TMEM45A: variants seen among roughly 807,000 people sequenced by gnomAD.
TMEM45A encodes DNA polymerase-transactivated protein 4.
Under a neutral mutation model 32.0 loss-of-function variants are expected in TMEM45A, and 25 were observed. That is an observed-to-expected ratio of 0.78 (90% CI 0.57 to 1.09). The LOEUF is 1.09. Among genes scored for constraint, TMEM45A ranks in the 50% least tolerant of loss-of-function variants. The pLI, the probability that TMEM45A is intolerant of heterozygous loss-of-function variation, is 0.00. For missense variants in TMEM45A, 302 were observed against 325.0 expected (o/e 0.93, Z 0.54); for synonymous variants, 122 against 114.8 (o/e 1.06, Z -0.40).
intron 1 of TMEM45A, among the ~76,000 whole-genome samples, chr3:100,545,067 A>G (rs1389900574): frequency 6.6e-6 from 1 of 152,212 alleles, no homozygotes; most frequent in Admixed American, 6.5e-5. Flanking sequence ...TAATTAGCAT[A>G]TCCCAAATGA....
intron 4 of TMEM45A, 133 bp from the exon 5 acceptor site, chr3:100,568,686 CTGA>C (rs1706493482): frequency 4.1e-6 from 3 of 729,776 alleles, no homozygotes; most frequent in Non-Finnish European, 4.3e-6. Context: ...GCAGCAAAAC[CTGA>C]TGTTTTATCT....
At chr3:100,512,231 A>T (rs1296060436) in intron 1 of TMEM45A, among the ~76,000 whole-genome samples, 1 of 152,134 alleles carries the variant, frequency 6.6e-6, no homozygotes, top group Non-Finnish European at 1.5e-5. Flanking sequence ...GAAGTAAAGC[A>T]CTCCTCAGCA....
At chr3:100,508,263 C>T (rs1308367015) in intron 1 of TMEM45A, among the ~76,000 whole-genome samples, 2 of 152,098 alleles carry the variant, frequency 1.3e-5, no homozygotes, top group African/African-American at 4.8e-5. Context: ...CACCATGGGT[C>T]ACACACATAG....
At chr3:100,575,361 C>CTTT in intron 5 of TMEM45A, among the ~76,000 whole-genome samples, 1 of 118,142 alleles carries the variant, frequency 8.5e-6, no homozygotes, top group Non-Finnish European at 1.7e-5. Flanking sequence ...CCTATGGATT[C>CTTT]TCTTTTTTTT....
intron 1 of TMEM45A, among the ~76,000 whole-genome samples, chr3:100,503,010 C>T (rs1315389636): frequency 6.6e-6 from 1 of 151,172 alleles, no homozygotes; most frequent in Non-Finnish European, 1.5e-5. Context: ...TCCTCCTTCT[C>T]CTCCTTCTCC....
intron 1 of TMEM45A, among the ~76,000 whole-genome samples, chr3:100,512,506 C>T (rs1004185720): frequency 5.6e-4 from 85 of 152,218 alleles, no homozygotes; most frequent in Middle Eastern, 6.8e-3. Context: ...GCACTAAATG[C>T]CCACAAGAGA....
rs1423860120 is a variant in TMEM45A, at chr3:100,510,843, T to C, written c.-4+17915T>C. On this transcript the variant is annotated intron_variant, in intron 1 of 5. Transcript: ENST00000323523. ...TGAAGAATGCAGAAGCCTCAGGAGC[T>C]GATGCGATCAACTGGAAGAAAGGTT... Among the ~76,000 whole-genome samples, 7 of 152,266 alleles carry C rather than the reference T, an allele frequency of 4.6e-5. No homozygotes were observed. In the East Asian group the frequency reaches 9.6e-4, roughly 21 times the overall value.
chr3:100,496,120 G>C (rs1559631187), intron 1 of TMEM45A, among the ~76,000 whole-genome samples: 1 of 152,146 alleles, frequency 6.6e-6, no homozygotes, highest in African/African-American at 2.4e-5. Flanking sequence ...TGTGACTTCA[G>C]GCAAGACATT....
intron 5 of TMEM45A, among the ~76,000 whole-genome samples, chr3:100,575,099 G>T (rs1706654500): frequency 2.0e-5 from 3 of 152,120 alleles, no homozygotes; most frequent in African/African-American, 7.2e-5. Flanking sequence ...TTTTTCATTT[G>T]TGAAGAGTGA....
At chr3:100,571,937 T>C (rs921260438) in intron 5 of TMEM45A, 2 of 152,342 alleles carry the variant, frequency 1.3e-5, no homozygotes, top group African/African-American at 2.4e-5. Flanking sequence ...ACTCATCATT[T>C]TTTATGGCTG....
At chr3:100,518,883 C>T (rs955788588) in intron 1 of TMEM45A, among the ~76,000 whole-genome samples, 2 of 152,010 alleles carry the variant, frequency 1.3e-5, no homozygotes, top group Non-Finnish European at 2.9e-5. Flanking sequence ...GCTGGCTGGT[C>T]AAATAATCAA....
At chr3:100,543,558 A>G (rs1705928039) in intron 1 of TMEM45A, among the ~76,000 whole-genome samples, 1 of 152,174 alleles carries the variant, frequency 6.6e-6, no homozygotes, top group Non-Finnish European at 1.5e-5. Flanking sequence ...GATGAAAAAT[A>G]CCTGTTTTTA....
At chr3:100,548,050 G>T (rs1706015439) in intron 1 of TMEM45A, among the ~76,000 whole-genome samples, 1 of 152,206 alleles carries the variant, frequency 6.6e-6, no homozygotes, top group Admixed American at 6.5e-5. Flanking sequence ...GGGGTTGGTA[G>T]TGGGAACAAT....
chr3:100,553,492 C>G (rs955131918), intron 1 of TMEM45A, among the ~76,000 whole-genome samples: 1 of 152,124 alleles, frequency 6.6e-6, no homozygotes, highest in African/African-American at 2.4e-5. Context: ...CCAAATACAA[C>G]CCATTTTCAG....
chr3:100,550,365 A>G (rs1706070952), intron 1 of TMEM45A, among the ~76,000 whole-genome samples: 2 of 152,134 alleles, frequency 1.3e-5, no homozygotes, highest in Non-Finnish European at 2.9e-5. Flanking sequence ...TTTTAAAGCT[A>G]CATATTTTTG....
intron 1 of TMEM45A, among the ~76,000 whole-genome samples, chr3:100,497,935 T>C (rs1707953812): frequency 6.6e-6 from 1 of 152,226 alleles, no homozygotes; most frequent in Non-Finnish European, 1.5e-5. Flanking sequence ...TTTTAGTTGA[T>C]GATATGGTTT....
intron 5 of TMEM45A, among the ~76,000 whole-genome samples, chr3:100,575,363 C>CTTTTTTTT (rs59739893): frequency 1.8e-4 from 11 of 62,706 alleles, no homozygotes; most frequent in Admixed American, 2.2e-4. Context: ...TATGGATTCT[C>CTTTTTTTT]TTTTTTTTTT....
At chr3:100,497,616 T>C (rs929889339) in intron 1 of TMEM45A, among the ~76,000 whole-genome samples, 1 of 152,200 alleles carries the variant, frequency 6.6e-6, no homozygotes, top group African/African-American at 2.4e-5. Context: ...TTTTATGAAT[T>C]TGACTATTCT....
In TMEM45A at chr3:100,530,034, A is replaced by G. The variant is rs368655456; in HGVS notation, c.-3-25175A>G. On this transcript the variant is annotated intron_variant, in intron 1 of 5. Coordinates refer to ENST00000323523, the MANE Select transcript of TMEM45A (RefSeq NM_018004.3). ...CTTCCATCTCTTTTTATCCTTCCCA[A>G]CTTTTTAAATGGAAAATTTCAAGTA... Among the ~76,000 whole-genome samples, 6 of 152,090 alleles carry G rather than the reference A, an allele frequency of 3.9e-5. No individual in the cohort carries two copies. In the East Asian group the frequency reaches 9.6e-4, roughly 24 times the overall value.
Sources: allele counts gnomAD v4.1 joint callset (sites outside exome capture counted in the v4.1 genomes callset), GRCh38; gene constraint gnomAD v4.1.1; transcripts MANE v1.5; gene names NCBI Gene and HGNC (gene_info 2026-07-23, HGNC 2026-07-21).